SLC9A9: variants seen among roughly 807,000 people sequenced by gnomAD.
SLC9A9 encodes sodium/hydrogen exchanger 9.
A neutral mutation model predicts 77.8 loss-of-function variants in SLC9A9; 62 were observed. That is an observed-to-expected ratio of 0.80 (90% CI 0.65 to 0.98). The LOEUF is 0.98. Ranked by LOEUF, SLC9A9 falls within the 50% of genes least tolerant of loss-of-function variation. The pLI, the probability that SLC9A9 is intolerant of heterozygous loss-of-function variation, is 0.00. For synonymous variants in SLC9A9, 320 were observed against 283.5 expected (o/e 1.13, Z -1.29); for missense variants, 775 against 774.9 (o/e 1.00, Z 0.00).
chr3:143,678,439 A>G (rs1932957848), intron 5 of SLC9A9, among the ~76,000 whole-genome samples: 1 of 152,212 alleles, frequency 6.6e-6, no homozygotes, highest in Non-Finnish European at 1.5e-5. Context: ...TTCATTATTT[A>G]CATTTTAATT....
intron 2 of SLC9A9, among the ~76,000 whole-genome samples, chr3:143,801,049 T>C (rs997393708): frequency 7.9e-5 from 12 of 152,340 alleles, no homozygotes; most frequent in South Asian, 2.1e-4. Flanking sequence ...AAACCCATTA[T>C]GTAAATTCAC....
intron 2 of SLC9A9, among the ~76,000 whole-genome samples, chr3:143,831,421 A>G (rs541879844): frequency 2.0e-5 from 3 of 152,300 alleles, no homozygotes; most frequent in African/African-American, 7.2e-5. Context: ...TTATGAAACT[A>G]TTTTTAAAAG....
At chr3:143,496,699 G>T (rs1474561648) in intron 9 of SLC9A9, among the ~76,000 whole-genome samples, 26 of 152,182 alleles carry the variant, frequency 1.7e-4, no homozygotes, top group Admixed American at 1.7e-3. Context: ...GAGAAAATTT[G>T]AAAACAACAG....
At position 143,467,034 on chromosome 3, in the gene SLC9A9, C is replaced by T. The variant is rs376825777; in HGVS notation, c.1469+3G>A. ...ATTTCCTTTGCTAGACGGTGTCACT[C>T]ACCTGATCTGAAGCCAAGTCAACAT... On this transcript the variant is annotated splice_donor_region_variant and intron_variant, in intron 12 of 15. Transcript: ENST00000316549. 8.1e-6 allele frequency: 13 copies of T among 1,613,184 alleles called. No homozygotes were observed. The highest frequency in any genetic ancestry group is 1.0e-5 in the Non-Finnish European group (12 of 1,179,722).
chr3:143,677,810 G>A (rs1932929990), intron 5 of SLC9A9, among the ~76,000 whole-genome samples: 1 of 147,406 alleles, frequency 6.8e-6, no homozygotes, highest in African/African-American at 2.5e-5. Context: ...TCTATGAATT[G>A]CCTCTTCAGA....
At chr3:143,387,839 C>T (rs1224985194) in intron 12 of SLC9A9, among the ~76,000 whole-genome samples, 2 of 151,530 alleles carry the variant, frequency 1.3e-5, no homozygotes, top group Non-Finnish European at 2.9e-5. Flanking sequence ...AGCAAGGTAA[C>T]TAACAAAAGC....
At chr3:143,538,055 G>A (rs1037451701) in intron 9 of SLC9A9, among the ~76,000 whole-genome samples, 1 of 152,118 alleles carries the variant, frequency 6.6e-6, no homozygotes, top group Non-Finnish European at 1.5e-5. Context: ...TGAACATTCT[G>A]GAACCTATAA....
intron 12 of SLC9A9, among the ~76,000 whole-genome samples, chr3:143,412,887 A>C (rs2034121496): frequency 6.6e-6 from 1 of 152,114 alleles, no homozygotes; most frequent in Non-Finnish European, 1.5e-5. Flanking sequence ...AGGAATTGAC[A>C]ATGGCAAGCA....
intron 6 of SLC9A9, among the ~76,000 whole-genome samples, chr3:143,628,507 G>C (rs909585730): frequency 6.6e-6 from 1 of 152,128 alleles, no homozygotes; most frequent in Non-Finnish European, 1.5e-5. Flanking sequence ...CCTACTGAAT[G>C]AGTGTCGCTA....
intron 6 of SLC9A9, among the ~76,000 whole-genome samples, chr3:143,585,789 A>T (rs1000637227): frequency 4.6e-5 from 7 of 152,178 alleles, no homozygotes; most frequent in Non-Finnish European, 8.8e-5. Context: ...GGTTCTGCTC[A>T]TGCTGACTCC....
chr3:143,838,888 T>G (rs1030484329), intron 1 of SLC9A9, among the ~76,000 whole-genome samples: 2 of 152,202 alleles, frequency 1.3e-5, no homozygotes, highest in Admixed American at 1.3e-4. Flanking sequence ...AGATCAGATT[T>G]TAACTGCATC....
intron 4 of SLC9A9, among the ~76,000 whole-genome samples, chr3:143,726,015 G>A (rs1224554233): frequency 6.6e-6 from 1 of 151,738 alleles, no homozygotes; most frequent in East Asian, 1.9e-4. Context: ...TTCACCTATT[G>A]TACCTGGTAA....
rs192736086 is a variant in SLC9A9 at position 143,681,703 on chromosome 3, C to T, written c.649+11489G>A. Among the ~76,000 whole-genome samples, 667 of 152,210 alleles carry T rather than the reference C, an allele frequency of 4.4e-3. 6 individuals carry two copies. Among genetic ancestry groups the T allele is most frequent in the Non-Finnish European group, 4.2e-3 (288 of 68,022 alleles). ...GGGTGTGTGCTCTGTTTATTCTGAC[C>T]AGTCTTCCTCCCTCAGGCTGCTGAA... On this transcript the variant is annotated intron_variant, in intron 5 of 15. Transcript: ENST00000316549.
At chr3:143,847,887 A>T (rs770296533) in intron 1 of SLC9A9, 1 of 529,294 alleles carries the variant, frequency 1.9e-6, no homozygotes. Flanking sequence ...CCCACATGAC[A>T]ATGGACCCGC....
chr3:143,415,282 A>G (rs905704004), intron 12 of SLC9A9, among the ~76,000 whole-genome samples: 1 of 152,232 alleles, frequency 6.6e-6, no homozygotes, highest in Non-Finnish European at 1.5e-5. Context: ...TAAATAACAG[A>G]TTGTCAATGT....
chr3:143,322,836 C>G (rs1456101647), intron 14 of SLC9A9, among the ~76,000 whole-genome samples: 1 of 152,162 alleles, frequency 6.6e-6, no homozygotes, highest in Non-Finnish European at 1.5e-5. Flanking sequence ...GTTTTACTTA[C>G]AGCCAACTGA....
intron 5 of SLC9A9, among the ~76,000 whole-genome samples, chr3:143,675,061 C>T (rs2108768304): frequency 6.6e-6 from 1 of 152,334 alleles, no homozygotes; most frequent in Middle Eastern, 3.4e-3. Flanking sequence ...TACTTTCAGA[C>T]TCTCCAAGTG....
chr3:143,502,668 A>C (rs978673223), intron 9 of SLC9A9, among the ~76,000 whole-genome samples: 6 of 152,116 alleles, frequency 3.9e-5, no homozygotes, highest in African/African-American at 1.4e-4. Context: ...ATGAGGCTCG[A>C]CACAGCTTTT....
chr3:143,815,282 G>A (rs1318644620), intron 2 of SLC9A9, among the ~76,000 whole-genome samples: 1 of 152,144 alleles, frequency 6.6e-6, no homozygotes, highest in African/African-American at 2.4e-5. Flanking sequence ...CATTTCTCCA[G>A]GTGTTTACCA....
Sources: gnomAD v4.1 joint callset for allele counts (sites outside exome capture counted in the v4.1 genomes callset) on GRCh38, gnomAD v4.1.1 for gene constraint, MANE v1.5 for transcripts, NCBI Gene and HGNC (gene_info 2026-07-23, HGNC 2026-07-21) for gene names.